The following ZMYM2 variants were observed in gnomAD, a reference collection of about 807,000 sequenced individuals.
The protein encoded by ZMYM2 is zinc finger MYM-type protein 2.
ZMYM2 carries 56 observed loss-of-function variants against 162.8 expected under a neutral mutation model. The ratio of observed to expected loss-of-function variants is 0.34; its 90% CI spans 0.28 to 0.43. The LOEUF is 0.43. ZMYM2 is among the 20% of genes least tolerant of loss of function. The pLI, the probability that ZMYM2 is intolerant of heterozygous loss-of-function variation, is 1.00. For synonymous variants in ZMYM2, 510 were observed against 541.6 expected, an observed-to-expected ratio of 0.94 and a Z score of 0.81; for missense variants, 1,275 against 1,621.8, an observed-to-expected ratio of 0.79 and a Z score of 3.67.
chr13:20,034,267 A>C lies in ZMYM2; in HGVS notation c.1982A>C (p.Gln661Pro). The C allele has an allele frequency of 6.3e-7, 1 of 1,596,204 alleles. No individual in the cohort carries two copies. The highest frequency in any genetic ancestry group is 1.8e-5 in the Admixed American group (1 of 56,720). ...TTGTGCATTTAGAACAAAGTGCATC[A>C]GTTCTGCAGCAAAACTTGTTCAGAT... The part of the protein sequence containing the change: ...EILEWENKVH[Q>P]FCSKTCSDDY... The change falls in exon 11 of 25, where the codon CAG becomes CCG. Residue 661 changes from glutamine to proline, a missense_variant. Around this residue, in one of 10 missense-constraint regions of ZMYM2, gnomAD observed 276 missense variants for 311.8 expected, o/e 0.89. Coordinates refer to ENST00000610343, the MANE Select transcript of ZMYM2 (RefSeq NM_197968.4).
At chr13:20,046,581 A>ATG (rs1249162923) in intron 12 of ZMYM2, among the ~76,000 whole-genome samples, 64 of 117,512 alleles carry the variant, frequency 5.4e-4, no homozygotes, top group African/African-American at 1.9e-3. Flanking sequence ...ATATATATAT[A>ATG]TGTGTGTGTG....
At chr13:19,988,118 A>T (rs965107057) in intron 2 of ZMYM2, among the ~76,000 whole-genome samples, 11 of 152,154 alleles carry the variant, frequency 7.2e-5, no homozygotes, top group Non-Finnish European at 1.5e-4. Context: ...CTGTTTTATT[A>T]TAGAAAAAAA....
chr13:19,971,244 G>GTATATATA (rs1555278426), intron 2 of ZMYM2, among the ~76,000 whole-genome samples: 27 of 50,130 alleles, frequency 5.4e-4, no homozygotes, highest in East Asian at 5.6e-3. Context: ...GTGTGTGTGT[G>GTATATATA]TATATATATA....
chr13:20,001,751 A>G (rs1165179954), intron 3 of ZMYM2, among the ~76,000 whole-genome samples: 5 of 152,250 alleles, frequency 3.3e-5, no homozygotes, highest in African/African-American at 9.6e-5. Context: ...GGCAGCCACC[A>G]TCGTGATCAG....
In ZMYM2 at chr13:20,006,480, A is replaced by G; in HGVS notation, c.1406A>G (p.Gln469Arg). Residue 469 changes from glutamine to arginine, a missense_variant, in exon 6 of 25, where the codon CAG (glutamine) becomes CGG (arginine). Physicochemically the swap from Gln to Arg is conservative, Grantham distance 43. This residue lies in a region of ZMYM2 where 276 missense variants were observed against 311.8 expected (regional missense o/e 0.89). Coordinates refer to ENST00000610343, the MANE Select transcript of ZMYM2 (RefSeq NM_197968.4). The part of the protein sequence containing the change: ...ANGLIMNCCE[Q>R]CGEYLPSKGA... ...GGTTTAATAATGAATTGCTGTGAAC[A>G]GTGTGGAGAGTACTTGCCCAGTAAA... The G allele has an allele frequency of 1.1e-5, 17 of 1,613,710 alleles. No homozygotes were observed. Among genetic ancestry groups the G allele is most frequent in the Non-Finnish European group, 1.4e-5 (17 of 1,179,756 alleles).
At position 20,006,601 on chromosome 13, in the gene ZMYM2, A is replaced by G. The variant is rs907707009; in HGVS notation, c.1512+15A>G. On this transcript the variant is annotated intron_variant, in intron 6 of 24. Transcript: ENST00000610343. ...AATACAAACAGGTAATTCATGTTCT[A>G]ATCAAAATTGGGCATTCTTTAGAAT... 2 of 1,611,962 alleles carry G rather than the reference A, an allele frequency of 1.2e-6. No individual in the cohort carries two copies. The highest frequency in any genetic ancestry group is 1.7e-5 in the Admixed American group (1 of 59,828).
chr13:20,042,341 C>A (rs1479769191), intron 12 of ZMYM2, among the ~76,000 whole-genome samples: 1 of 152,068 alleles, frequency 6.6e-6, no homozygotes, highest in Non-Finnish European at 1.5e-5. Flanking sequence ...TCCGCTTGGT[C>A]TATTTTGCTA....
intron 21 of ZMYM2, among the ~76,000 whole-genome samples, chr13:20,078,142 ATAC>A (rs1343459910): frequency 6.6e-6 from 1 of 151,992 alleles, no homozygotes; most frequent in Non-Finnish European, 1.5e-5. Context: ...TTTAAAGATG[ATAC>A]TTGAAATTTT....
In ZMYM2 at chr13:20,059,578, A is replaced by T. The variant is rs775270705; in HGVS notation, c.2739+16A>T. 5 of 1,059,812 alleles carry T rather than the reference A, an allele frequency of 4.7e-6. No homozygotes were observed. The East Asian group carries it at 1.2e-4, about 25-fold the overall frequency. 65.7% of individuals were successfully genotyped at this position (1,059,812 alleles called of 1,614,324 possible). ...TCCTGTTCCTGTAAGTCACATTTTAAGTTCTTTCTCATTTTGAGATTTAGC... is the reference window on the plus strand; with the variant it reads ...TCCTGTTCCTGTAAGTCACATTTTATGTTCTTTCTCATTTTGAGATTTAGC... On this transcript the variant is annotated intron_variant, in intron 16 of 24. Coordinates refer to ENST00000610343, the MANE Select transcript of ZMYM2 (RefSeq NM_197968.4).
At chr13:20,042,645 G>T (rs747078518) in intron 12 of ZMYM2, among the ~76,000 whole-genome samples, 1 of 152,130 alleles carries the variant, frequency 6.6e-6, no homozygotes, top group Non-Finnish European at 1.5e-5. Context: ...CAGGGTTCTT[G>T]TGCGAGTTCT....
At chr13:20,066,446 C>T (rs1309543041) in intron 19 of ZMYM2, 1 of 153,542 alleles carries the variant, frequency 6.5e-6, no homozygotes, top group African/African-American at 2.4e-5. Context: ...GGAAGCCTTG[C>T]TGATAACAGT....
chr13:19,937,297 C>A, the ZMYM2 span, among the ~76,000 whole-genome samples: 1 of 151,998 alleles, frequency 6.6e-6, no homozygotes, highest in South Asian at 2.1e-4. Context: ...CCACCATGCC[C>A]AGCTAATTTT....
At chr13:19,870,461 T>C in the ZMYM2 span, among the ~76,000 whole-genome samples, 1 of 151,740 alleles carries the variant, frequency 6.6e-6, no homozygotes, top group South Asian at 2.1e-4. Context: ...TCTCTTTCTC[T>C]CTTCTTTCCT....
At chr13:19,875,585 A>G in the ZMYM2 span, among the ~76,000 whole-genome samples, 1,711 of 143,028 alleles carry the variant, frequency 0.012, 38 homozygotes, top group African/African-American at 0.041. Flanking sequence ...CCAAGATCAC[A>G]CCACTGCACT....
chr13:20,051,735 T>G (rs1955366992), intron 13 of ZMYM2, 137 bp downstream of exon 13: 1 of 849,202 alleles, frequency 1.2e-6, no homozygotes. Flanking sequence ...ATTCTCTGGG[T>G]CGAAGTACCC....
intron 6 of ZMYM2, among the ~76,000 whole-genome samples, chr13:20,016,152 ATTGTCT>A (rs1349791566): frequency 1.3e-5 from 2 of 149,586 alleles, no homozygotes; most frequent in African/African-American, 2.5e-5. Context: ...TTTCCTTCTC[ATTGTCT>A]TTGTATTGTT....
chr13:20,085,295 G>A (rs1958185987), intron 24 of ZMYM2, among the ~76,000 whole-genome samples: 1 of 152,110 alleles, frequency 6.6e-6, no homozygotes, highest in Admixed American at 6.6e-5. Context: ...GTTTAGGGTG[G>A]TCCTATTTGG....
At chr13:19,995,287 C>T (rs1167933725) in intron 3 of ZMYM2, among the ~76,000 whole-genome samples, 1 of 152,246 alleles carries the variant, frequency 6.6e-6, no homozygotes, top group Middle Eastern at 3.4e-3. Flanking sequence ...TTAATGTCTA[C>T]AACTCGATAA....
chr13:19,954,126 A>AT (rs781288600), upstream of ZMYM2, among the ~76,000 whole-genome samples: 1,689 of 64,906 alleles, frequency 0.026, 244 homozygotes, highest in African/African-American at 0.075. Flanking sequence ...GCTATGTTTA[A>AT]TTTTTTTTTT....
Sources: gnomAD v4.1 joint callset for allele counts (sites outside exome capture counted in the v4.1 genomes callset) on GRCh38, gnomAD v4.1.1 for gene constraint, gnomAD v4.1.1 regional missense constraint, MANE v1.5 for transcripts, NCBI Gene and HGNC (gene_info 2026-07-23, HGNC 2026-07-21) for gene names.